Variants in PTPRG observed in about 807,000 individuals in gnomAD.
The protein encoded by PTPRG is receptor-type tyrosine-protein phosphatase gamma.
Under a neutral mutation model 165.3 loss-of-function variants are expected in PTPRG, and 102 were observed. The observed-to-expected ratio is 0.62, with a 90% confidence interval of 0.53 to 0.73. The LOEUF (loss-of-function observed/expected upper bound fraction) is 0.73. PTPRG is among the 30% of genes least tolerant of loss of function. The pLI is 0.00. For missense variants in PTPRG, 1,866 were observed against 1,861.4 expected (o/e 1.00, Z -0.05); for synonymous variants, 675 against 669.5 (o/e 1.01, Z -0.13).
At chr3:61,685,185 T>C (rs911899006) in intron 1 of PTPRG, among the ~76,000 whole-genome samples, 11 of 152,208 alleles carry the variant, frequency 7.2e-5, no homozygotes, top group Non-Finnish European at 1.3e-4. Context: ...ACTTACTATG[T>C]TGAGAATTTG....
chr3:61,710,727 C>G (rs960647281), intron 1 of PTPRG, among the ~76,000 whole-genome samples: 2 of 151,956 alleles, frequency 1.3e-5, no homozygotes, highest in Admixed American at 1.3e-4. Context: ...AGATTGGATA[C>G]CTCTGATTTA....
At chr3:61,716,637 TG>T (rs1475537408) in intron 1 of PTPRG, among the ~76,000 whole-genome samples, 3 of 152,204 alleles carry the variant, frequency 2.0e-5, no homozygotes, top group Non-Finnish European at 4.4e-5. Context: ...AAATACAAAC[TG>T]TACTTAAACT....
intron 1 of PTPRG, among the ~76,000 whole-genome samples, chr3:61,700,640 T>A (rs2030902078): frequency 6.6e-6 from 1 of 152,194 alleles, no homozygotes; most frequent in South Asian, 2.1e-4. Flanking sequence ...ACTTGACTGT[T>A]TTGGGAGGCT....
chr3:62,043,471 T>C (rs1452306713), intron 4 of PTPRG, among the ~76,000 whole-genome samples: 1 of 152,212 alleles, frequency 6.6e-6, no homozygotes, highest in Non-Finnish European at 1.5e-5. Flanking sequence ...TCTTTTTACC[T>C]TTATGCGATC....
At chr3:61,853,759 A>G (rs1360501864) in intron 2 of PTPRG, among the ~76,000 whole-genome samples, 1 of 152,188 alleles carries the variant, frequency 6.6e-6, no homozygotes, top group East Asian at 1.9e-4. Context: ...GTCTTTACAT[A>G]AAATATTCCT....
intron 2 of PTPRG, among the ~76,000 whole-genome samples, chr3:61,841,799 G>A (rs1240121169): frequency 1.3e-5 from 2 of 152,044 alleles, no homozygotes; most frequent in African/African-American, 4.8e-5. Context: ...GCGACAGAGC[G>A]AGACTCCATC....
rs1023039170 is a variant in PTPRG, at chr3:61,986,452, G to T, written c.191-3173G>T. On this transcript the variant is annotated intron_variant, in intron 2 of 29. Coordinates refer to ENST00000474889, the MANE Select transcript of PTPRG (RefSeq NM_002841.4). ...CGTTTACCCTGAGATCAAACTTTTA[G>T]CCAGGGGTTTCAGATGTGTTTATTG... Among the ~76,000 whole-genome samples the T allele has an allele frequency of 4.6e-5, 7 of 152,088 alleles. No homozygotes were observed. The East Asian group carries it at 1.4e-3, about 29-fold the overall frequency.
chr3:62,011,282 T>C (rs1486665457), intron 4 of PTPRG, among the ~76,000 whole-genome samples: 4 of 152,374 alleles, frequency 2.6e-5, no homozygotes, highest in Non-Finnish European at 5.9e-5. Flanking sequence ...ACAAAGTATC[T>C]GGTGTAAACA....
chr3:61,859,439 A>G (rs970849350), intron 2 of PTPRG, among the ~76,000 whole-genome samples: 2 of 152,158 alleles, frequency 1.3e-5, no homozygotes, highest in African/African-American at 4.8e-5. Context: ...ATGGAATATC[A>G]CCACAAGGGA....
rs1703025274 is a variant in PTPRG, at chr3:62,295,325, A to G, written c.*2018A>G. The G allele has an allele frequency of 6.6e-6, 1 of 152,098 alleles. No individual in the cohort carries two copies. The highest frequency in any genetic ancestry group is 1.5e-5 in the Non-Finnish European group (1 of 68,006). The allele number at this position is 152,098 out of a possible 1,614,324, so 9.4% of individuals were successfully genotyped here. A position where few individuals can be genotyped will look rare whatever the true frequency, so the allele number is the denominator to read the frequency against. ...ATGAGCTAGACTCTTTTTTTAGTCAATTAAGTGGGTTGTTTTAGATGTATA... is the reference window on the plus strand; with the variant it reads ...ATGAGCTAGACTCTTTTTTTAGTCAGTTAAGTGGGTTGTTTTAGATGTATA... On this transcript the variant is annotated 3_prime_UTR_variant, in exon 30 of 30. Transcript: ENST00000474889.
chr3:62,160,478 A>G (rs1055896231), intron 7 of PTPRG, among the ~76,000 whole-genome samples: 1 of 152,232 alleles, frequency 6.6e-6, no homozygotes, highest in African/African-American at 2.4e-5. Flanking sequence ...ATCAGGCCAA[A>G]ATCATGTCCC....
chr3:61,986,300 G>A (rs1197912636), intron 2 of PTPRG, among the ~76,000 whole-genome samples: 2 of 152,078 alleles, frequency 1.3e-5, no homozygotes, highest in African/African-American at 4.8e-5. Flanking sequence ...AGATACAGAA[G>A]GAACCAGTTC....
chr3:62,148,903 G>A lies in PTPRG; in HGVS notation c.683-8164G>A, dbSNP rs775029326. Reference sequence around the variant, plus strand: ...TGGTAGAAAGATGGGCATAAGGAGAGCTAGATCCCTTCCCATGTCACACAC... The same window carrying A: ...TGGTAGAAAGATGGGCATAAGGAGAACTAGATCCCTTCCCATGTCACACAC... On this transcript the variant is annotated intron_variant, in intron 6 of 29. Transcript: ENST00000474889. Among the ~76,000 whole-genome samples, 172 of 152,180 alleles carry A rather than the reference G, an allele frequency of 1.1e-3. 6 individuals are homozygous for A. The highest frequency in any genetic ancestry group is 3.8e-4 in the East Asian group (2 of 5,198).
At chr3:61,674,997 C>CA (rs1368785132) in intron 1 of PTPRG, among the ~76,000 whole-genome samples, 3 of 152,198 alleles carry the variant, frequency 2.0e-5, no homozygotes, top group Non-Finnish European at 4.4e-5. Context: ...GAACAGGAGA[C>CA]ATTCAGTGCT....
intron 4 of PTPRG, among the ~76,000 whole-genome samples, chr3:62,037,684 A>G (rs1699992795): frequency 6.6e-6 from 1 of 152,316 alleles, no homozygotes; most frequent in East Asian, 1.9e-4. Flanking sequence ...CTGCCATGAC[A>G]ACATACTGTA....
intron 1 of PTPRG, among the ~76,000 whole-genome samples, chr3:61,690,510 G>A (rs1281729707): frequency 6.6e-6 from 1 of 152,224 alleles, no homozygotes; most frequent in Non-Finnish European, 1.5e-5. Flanking sequence ...ACTGCAAAGA[G>A]TGGAAGACAG....
At chr3:61,993,003 A>AT (rs2040934455) in intron 3 of PTPRG, among the ~76,000 whole-genome samples, 1 of 152,054 alleles carries the variant, frequency 6.6e-6, no homozygotes, top group Non-Finnish European at 1.5e-5. Context: ...TAGTTCATAA[A>AT]TTTTTTAGAA....
intron 2 of PTPRG, among the ~76,000 whole-genome samples, chr3:61,827,366 C>A (rs1419534503): frequency 6.6e-6 from 1 of 152,184 alleles, no homozygotes; most frequent in Non-Finnish European, 1.5e-5. Context: ...AGAAGGGTTT[C>A]AATCTCACTT....
intron 13 of PTPRG, among the ~76,000 whole-genome samples, chr3:62,226,360 C>G (rs189422455): frequency 6.6e-4 from 100 of 152,316 alleles, no homozygotes; most frequent in South Asian, 1.9e-3. Flanking sequence ...AGATATAAAT[C>G]ATCCTTTGTT....
Sources: gnomAD v4.1 joint callset for allele counts (sites outside exome capture counted in the v4.1 genomes callset) on GRCh38, gnomAD v4.1.1 for gene constraint, MANE v1.5 for transcripts, NCBI Gene and HGNC (gene_info 2026-07-23, HGNC 2026-07-21) for gene names.